The following CEP85L variants were observed in gnomAD, a reference collection of about 807,000 sequenced individuals.
CEP85L encodes centrosomal protein 85L, also known as centrosomal protein of 85 kDa-like.
In CEP85L, 60 loss-of-function variants were observed where a neutral mutation model predicts 100.3. That is an observed-to-expected ratio of 0.60 (90% CI 0.49 to 0.74). The LOEUF (loss-of-function observed/expected upper bound fraction) is 0.74, where lower values mean the gene tolerates loss of function less well. CEP85L is among the 30% of genes least tolerant of loss of function. The pLI, the probability that CEP85L is intolerant of heterozygous loss-of-function variation, is 0.00. For synonymous variants in CEP85L, 319 were observed against 322.7 expected, an observed-to-expected ratio of 0.99 and a Z score of 0.12; for missense variants, 973 against 936.2, an observed-to-expected ratio of 1.04 and a Z score of -0.51.
chr6:118,462,540 A>G lies in CEP85L; in HGVS notation c.*2865T>C, dbSNP rs1355163727. On this transcript the variant is annotated 3_prime_UTR_variant, in exon 13 of 13. Transcript: ENST00000368491. ...AAAGAACAAAATATTAATACTGGAT[A>G]AGATACTTTCTAAGCAAACAAGTGT... 6.6e-6 allele frequency: 1 copy of G among 152,056 alleles called. No individual in the cohort carries two copies. Among genetic ancestry groups the G allele is most frequent in the Non-Finnish European group, 1.5e-5 (1 of 67,910 alleles). 9.4% of individuals were successfully genotyped at this position (152,056 alleles called of 1,614,324 possible).
chr6:118,651,249 A>G lies in CEP85L; in HGVS notation c.21T>C (p.Ala7=). The G allele has an allele frequency of 6.7e-7, 1 of 1,492,316 alleles. No homozygotes were observed. Among genetic ancestry groups the G allele is most frequent in the Non-Finnish European group, 8.9e-7 (1 of 1,126,758 alleles). The allele number at this position is 1,492,316 out of a possible 1,614,324, so 92.4% of individuals were successfully genotyped here. A position where few individuals can be genotyped will look rare whatever the true frequency, so the allele number is the denominator to read the frequency against. Residue 7 remains alanine (A), a synonymous_variant, in exon 1 of 13, where the codon GCT becomes GCC. Coordinates refer to ENST00000368491, the MANE Select transcript of CEP85L (RefSeq NM_001042475.3). ...GGCTATCCCGGCCGCTGGCCTCCGG[A>G]GCCAGGAAGCGCCCCCACATCGCGG... MWGRFL[A]PEASGRDSPG...
Position 118,488,738 on chromosome 6 carries a change from A to G in CEP85L, c.1437+2948T>C, listed in dbSNP as rs866954291. 1.4e-4 allele frequency among the ~76,000 whole-genome samples: 21 copies of G among 152,306 alleles called. No homozygotes were observed. In the South Asian group the frequency reaches 1.9e-3, roughly 14 times the overall value. On this transcript the variant is annotated intron_variant, in intron 6 of 12. Transcript: ENST00000368491. ...ATGGAACCCAAATAAGATGACCCCA[A>G]AGAAATATGTACAAAGACACAGTTA...
intron 2 of CEP85L, among the ~76,000 whole-genome samples, chr6:118,609,093 A>T (rs911763105): frequency 6.6e-6 from 1 of 152,200 alleles, no homozygotes; most frequent in Non-Finnish European, 1.5e-5. Flanking sequence ...CAATATATAG[A>T]TGTTTTTAGG....
At chr6:118,533,761 A>G (rs180920233) in intron 3 of CEP85L, among the ~76,000 whole-genome samples, 9 of 152,216 alleles carry the variant, frequency 5.9e-5, no homozygotes, top group Admixed American at 2.0e-4. Context: ...TACGTTTGGC[A>G]TACGGTTTTC....
At chr6:118,701,199 T>G (rs1777392739) in intron 1 of CEP85L, among the ~76,000 whole-genome samples, 1 of 152,204 alleles carries the variant, frequency 6.6e-6, no homozygotes, top group South Asian at 2.1e-4. Context: ...GGTAAATTAG[T>G]TCAGCCACTG....
intron 1 of CEP85L, among the ~76,000 whole-genome samples, chr6:118,682,170 A>C (rs1264763319): frequency 6.6e-6 from 1 of 152,232 alleles, no homozygotes; most frequent in Non-Finnish European, 1.5e-5. Context: ...TATTGCACTT[A>C]AATATCATTA....
intron 2 of CEP85L, among the ~76,000 whole-genome samples, chr6:118,591,181 A>G (rs192374253): frequency 2.2e-3 from 329 of 152,308 alleles, no homozygotes; most frequent in African/African-American, 7.6e-3. Context: ...AATTTCTGCA[A>G]ACTTACTAGA....
At chr6:118,535,407 C>T (rs1465988986) in intron 3 of CEP85L, among the ~76,000 whole-genome samples, 2 of 152,214 alleles carry the variant, frequency 1.3e-5, no homozygotes, top group African/African-American at 4.8e-5. Context: ...AGGTAGCTTT[C>T]TGGAGTGATG....
chr6:118,602,732 A>G (rs1781847623), intron 2 of CEP85L, among the ~76,000 whole-genome samples: 1 of 152,216 alleles, frequency 6.6e-6, no homozygotes, highest in Admixed American at 6.5e-5. Flanking sequence ...TTATTTGCAT[A>G]AAGTGCAGCA....
intron 1 of CEP85L, 128 bp downstream of exon 1, chr6:118,651,069 C>A: frequency 7.5e-7 from 1 of 1,330,956 alleles, no homozygotes; most frequent in East Asian, 3.1e-5. Flanking sequence ...ACACTGGGCA[C>A]GCGGCGGCGT....
At chr6:118,681,203 A>G (rs528090635) in intron 1 of CEP85L, among the ~76,000 whole-genome samples, 2 of 152,250 alleles carry the variant, frequency 1.3e-5, no homozygotes, top group Admixed American at 6.5e-5. Flanking sequence ...GTGGATTTAT[A>G]TAAGTCAAAT....
At chr6:118,473,054 T>C (rs903962679) in intron 10 of CEP85L, among the ~76,000 whole-genome samples, 4 of 152,224 alleles carry the variant, frequency 2.6e-5, no homozygotes, top group Non-Finnish European at 5.9e-5. Flanking sequence ...AGAAAATTTA[T>C]GTTAACATTT....
intron 2 of CEP85L, among the ~76,000 whole-genome samples, chr6:118,569,399 A>T (rs1005199296): frequency 4.7e-5 from 7 of 149,740 alleles, no homozygotes; most frequent in Non-Finnish European, 8.9e-5. Flanking sequence ...TTCATGGCAC[A>T]TGTATACATA....
At chr6:118,702,200 C>A (rs762984549) in intron 1 of CEP85L, among the ~76,000 whole-genome samples, 55 of 151,500 alleles carry the variant, frequency 3.6e-4, no homozygotes, top group Non-Finnish European at 6.9e-4. Flanking sequence ...AAATGACTAC[C>A]TGTTATTTAC....
intron 6 of CEP85L, among the ~76,000 whole-genome samples, chr6:118,489,385 A>G (rs1774403666): frequency 6.6e-6 from 1 of 152,178 alleles, no homozygotes; most frequent in Admixed American, 6.5e-5. Flanking sequence ...GAATTCTTCA[A>G]GTTGAAATAA....
intron 2 of CEP85L, among the ~76,000 whole-genome samples, chr6:118,631,386 C>T (rs188297086): frequency 1.3e-5 from 2 of 152,146 alleles, no homozygotes; most frequent in Non-Finnish European, 2.9e-5. Context: ...GGAAATGGTA[C>T]AGTCACTCTA....
Position 118,592,655 on chromosome 6 carries a change from T to C in CEP85L, c.233-26339A>G, listed in dbSNP as rs193179363. On this transcript the variant is annotated intron_variant, in intron 2 of 12. Coordinates refer to ENST00000368491, the MANE Select transcript of CEP85L (RefSeq NM_001042475.3). ...GTTGAAATATCACCTACCTTATATA[T>C]AAAATGGGTTTATAATTGTACCACA... Among the ~76,000 whole-genome samples the C allele has an allele frequency of 2.0e-3, 303 of 152,200 alleles. 6 individuals are homozygous for C. The highest frequency in any genetic ancestry group is 0.018 in the Admixed American group (282 of 15,286).
At chr6:118,642,579 T>TA (rs1197616003) in intron 1 of CEP85L, among the ~76,000 whole-genome samples, 1 of 152,096 alleles carries the variant, frequency 6.6e-6, no homozygotes, top group Non-Finnish European at 1.5e-5. Flanking sequence ...ACACACTAGT[T>TA]AAAAAATACC....
In CEP85L at chr6:118,651,353, G is replaced by T; in HGVS notation, c.-84C>A. 7.2e-7 allele frequency: 1 copy of T among 1,384,738 alleles called. No homozygotes were observed. The highest frequency in any genetic ancestry group is 1.6e-5 in the South Asian group (1 of 63,686). The allele number at this position is 1,384,738 out of a possible 1,614,324, so 85.8% of individuals were successfully genotyped here. A position where few individuals can be genotyped will look rare whatever the true frequency, so the allele number is the denominator to read the frequency against. The stretch of plus-strand genomic sequence containing the variant: ...CTTCTTCGGCGGCGGAAACTTGCGC[G>T]GAGCGTGGGCCTCGGCGACACGGGC... On this transcript the variant is annotated 5_prime_UTR_variant, in exon 1 of 13. Transcript: ENST00000368491.
Sources: gnomAD v4.1 joint callset for allele counts (sites outside exome capture counted in the v4.1 genomes callset) on GRCh38, gnomAD v4.1.1 for gene constraint, MANE v1.5 for transcripts, NCBI Gene and HGNC (gene_info 2026-07-23, HGNC 2026-07-21) for gene names.